Variants in MAP3K7 observed in about 807,000 individuals in gnomAD.
The protein encoded by MAP3K7 is mitogen-activated protein kinase kinase kinase 7.
MAP3K7 carries 21 observed loss-of-function variants against 84.8 expected under a neutral mutation model. That is an observed-to-expected ratio of 0.25 (90% CI 0.18 to 0.36). MAP3K7 has a LOEUF of 0.36. Ranked by LOEUF, MAP3K7 falls within the 10% of genes least tolerant of loss-of-function variation. The probability of loss-of-function intolerance (pLI) is 1.00; values close to 1 mark genes in which losing one functional copy is unlikely to be tolerated. For missense variants in MAP3K7, 503 were observed against 747.7 expected (o/e 0.67, Z 3.82); for synonymous variants, 241 against 247.7 (o/e 0.97, Z 0.25).
chr6:90,584,813 C>A (rs1417061358), intron 1 of MAP3K7, among the ~76,000 whole-genome samples: 1 of 152,056 alleles, frequency 6.6e-6, no homozygotes, highest in African/African-American at 2.4e-5. Flanking sequence ...CAGACGTAAA[C>A]GCTTATTTAA....
chr6:90,566,610 T>A (rs1224131699), intron 3 of MAP3K7, among the ~76,000 whole-genome samples: 1 of 152,184 alleles, frequency 6.6e-6, no homozygotes, highest in Non-Finnish European at 1.5e-5. Context: ...ATAGGAAGAA[T>A]CAATATCGTG....
intron 4 of MAP3K7, among the ~76,000 whole-genome samples, chr6:90,561,005 T>C (rs1776494565): frequency 2.6e-5 from 4 of 152,210 alleles, no homozygotes; most frequent in Admixed American, 2.0e-4. Context: ...TCCATCACAA[T>C]GATGAACACA....
At chr6:90,525,926 G>A (rs973662565) in intron 13 of MAP3K7, among the ~76,000 whole-genome samples, 1 of 151,962 alleles carries the variant, frequency 6.6e-6, no homozygotes, top group Non-Finnish European at 1.5e-5. Context: ...GCTCAAGGAG[G>A]TATCGTCAAA....
At chr6:90,581,821 C>T (rs924257878) in intron 1 of MAP3K7, among the ~76,000 whole-genome samples, 1 of 152,162 alleles carries the variant, frequency 6.6e-6, no homozygotes, top group African/African-American at 2.4e-5. Context: ...GTTTAGACCA[C>T]TATAAATTAG....
chr6:90,524,322 G>C (rs1024706283), intron 13 of MAP3K7, among the ~76,000 whole-genome samples: 12 of 152,136 alleles, frequency 7.9e-5, no homozygotes, highest in Non-Finnish European at 1.8e-4. Context: ...AGGGAGAAAT[G>C]TATTAACTGT....
At chr6:90,545,275 AT>A (rs1399394249) in intron 11 of MAP3K7, among the ~76,000 whole-genome samples, 1 of 152,142 alleles carries the variant, frequency 6.6e-6, no homozygotes, top group East Asian at 1.9e-4. Context: ...AAGTAAGACA[AT>A]TCATGAAAAA....
At chr6:90,559,436 C>T (rs769312980) in intron 5 of MAP3K7, among the ~76,000 whole-genome samples, 2 of 150,250 alleles carry the variant, frequency 1.3e-5, no homozygotes, top group African/African-American at 4.9e-5. Flanking sequence ...GTCACAGGTG[C>T]ATAAAAGAAA....
At chr6:90,551,270 G>GCC (rs1344988570) in intron 8 of MAP3K7, 1 of 152,006 alleles carries the variant, frequency 6.6e-6, no homozygotes, top group East Asian at 1.9e-4. Context: ...AATAAACAAC[G>GCC]TTTTACCATT....
At chr6:90,547,219 T>C (rs763071714) in intron 11 of MAP3K7, 39 bp downstream of exon 11, 9 of 1,610,162 alleles carry the variant, frequency 5.6e-6, no homozygotes, top group Non-Finnish European at 7.6e-6. Context: ...AAAAGGCTTA[T>C]ATACATTTTC....
chr6:90,575,819 T>TGC (rs1777056502), intron 1 of MAP3K7, among the ~76,000 whole-genome samples: 1 of 152,128 alleles, frequency 6.6e-6, no homozygotes, highest in Non-Finnish European at 1.5e-5. Flanking sequence ...GTTGAAAGAA[T>TGC]AATGAACTTC....
chr6:90,548,259 T>G, intron 9 of MAP3K7, 82 bp from the exon 10 acceptor site: 1 of 1,179,296 alleles, frequency 8.5e-7, no homozygotes, highest in Admixed American at 2.4e-5. Context: ...TTACATTCTT[T>G]TATAAACTAG....
At chr6:90,521,570 TTAG>T (rs1775152402) in intron 14 of MAP3K7, among the ~76,000 whole-genome samples, 2 of 152,102 alleles carry the variant, frequency 1.3e-5, no homozygotes, top group African/African-American at 2.4e-5. Flanking sequence ...TACTATAAAT[TTAG>T]TAAGTTATTA....
intron 12 of MAP3K7, among the ~76,000 whole-genome samples, chr6:90,540,778 TTC>T (rs1158058534): frequency 6.6e-6 from 1 of 151,968 alleles, no homozygotes; most frequent in African/African-American, 2.4e-5. Flanking sequence ...TAACTACTTA[TTC>T]TCTTACTCTA....
chr6:90,533,557 G>C (rs1240210050), intron 13 of MAP3K7, among the ~76,000 whole-genome samples: 1 of 152,164 alleles, frequency 6.6e-6, no homozygotes, highest in Non-Finnish European at 1.5e-5. Context: ...AGCTGTAATT[G>C]GTAAAGAAGC....
chr6:90,586,851 G>C lies in MAP3K7; in HGVS notation c.33C>G (p.Ser11=), dbSNP rs760655014. 1.3e-6 allele frequency: 2 copies of C among 1,492,250 alleles called. No individual in the cohort carries two copies. The highest frequency in any genetic ancestry group is 1.4e-5 in the African/African-American group (1 of 70,782). The allele number at this position is 1,492,250 out of a possible 1,614,324, so 92.4% of individuals were successfully genotyped here. A position where few individuals can be genotyped will look rare whatever the true frequency, so the allele number is the denominator to read the frequency against. MSTASAASSS[S]SSSAGEMIEA... is the part of the protein sequence containing the mutation. ...CGATCATCTCACCGGCCGAAGACGA[G>C]GAGGAGGAGGAGGCGGCAGAGGCTG... Residue 11 remains serine (S), a synonymous_variant, in exon 1 of 17, where the codon TCC becomes TCG. Coordinates refer to ENST00000369329, the MANE Select transcript of MAP3K7 (RefSeq NM_145331.3).
In MAP3K7 at chr6:90,523,762, G is replaced by A; in HGVS notation, c.1378C>T (p.Pro460Ser). The change falls in exon 14 of 17, where the codon CCC becomes TCC. Residue 460 changes from proline (P) to serine (S), a missense_variant. By Grantham distance (74) the Pro-to-Ser change is moderately conservative. Transcript: ENST00000369329. ...PGQVSSRSSS[P>S]SVRMITTSGP... ...GAGGTAGTAATCATTCTGACACTGG[G>A]ACTGGATGACCTACTGCTCACCTAC... 1 of 1,610,450 alleles carries A rather than the reference G, an allele frequency of 6.2e-7. No homozygotes were observed. Among genetic ancestry groups the A allele is most frequent in the East Asian group, 2.2e-5 (1 of 44,822 alleles).
intron 13 of MAP3K7, among the ~76,000 whole-genome samples, chr6:90,525,464 C>T (rs898600513): frequency 6.6e-6 from 1 of 152,124 alleles, no homozygotes; most frequent in Admixed American, 6.5e-5. Flanking sequence ...GCTGGGATTA[C>T]AGGCATGAGC....
intron 12 of MAP3K7, among the ~76,000 whole-genome samples, chr6:90,542,851 T>C (rs1187179761): frequency 2.6e-5 from 4 of 152,068 alleles, no homozygotes; most frequent in Non-Finnish European, 5.9e-5. Context: ...TGGAGAAGAC[T>C]GCCTGGTACA....
chr6:90,524,481 C>T (rs1045352089), intron 13 of MAP3K7, among the ~76,000 whole-genome samples: 16 of 152,124 alleles, frequency 1.1e-4, no homozygotes, highest in Non-Finnish European at 1.5e-5. Flanking sequence ...CAACAGGAGA[C>T]AGAAAAAGCA....
Sources: gnomAD v4.1 joint callset for allele counts (sites outside exome capture counted in the v4.1 genomes callset) on GRCh38, gnomAD v4.1.1 for gene constraint, MANE v1.5 for transcripts, NCBI Gene and HGNC (gene_info 2026-07-23, HGNC 2026-07-21) for gene names.